Variants in SLC39A11 observed in about 807,000 individuals in gnomAD.
The protein encoded by SLC39A11 is zinc transporter ZIP11.
A neutral mutation model predicts 36.1 loss-of-function variants in SLC39A11; 33 were observed. The observed-to-expected ratio is 0.91, with a 90% CI of 0.69 to 1.22. The LOEUF (loss-of-function observed/expected upper bound fraction) is 1.22. Among genes scored for constraint, SLC39A11 ranks in the 50% most tolerant of loss-of-function variants. SLC39A11 has a pLI of 0.00. For missense variants in SLC39A11, 432 were observed against 430.3 expected (o/e 1.00, Z -0.03); for synonymous variants, 166 against 170.3 (o/e 0.97, Z 0.20).
Position 72,849,633 on chromosome 17 carries a change from C to A in SLC39A11, c.601+1G>T, listed in dbSNP as rs1294689240. 3 of 1,509,776 alleles carry A rather than the reference C, an allele frequency of 2.0e-6. No homozygotes were observed. The highest frequency in any genetic ancestry group is 2.7e-6 in the Non-Finnish European group (3 of 1,126,918). 93.5% of individuals were successfully genotyped at this position (1,509,776 alleles called of 1,614,324 possible). ...TGTCACGCTCACGGGCAAGACCTCACCTGGAACGTTGTGTATAGTGATGGC... is the reference window on the plus strand; with the variant it reads ...TGTCACGCTCACGGGCAAGACCTCAACTGGAACGTTGTGTATAGTGATGGC... On this transcript the variant is annotated splice_donor_variant, in intron 6 of 9. Transcript: ENST00000255559. LOFTEE classifies it high-confidence loss of function.
intron 6 of SLC39A11, among the ~76,000 whole-genome samples, chr17:72,809,199 T>TCTCTCTCTCTC (rs2077356291): frequency 4.9e-5 from 5 of 102,202 alleles, no homozygotes; most frequent in Admixed American, 2.9e-4. Flanking sequence ...TTTCTTTTCT[T>TCTCTCTCTCTC]TCTCTCTCTC....
intron 5 of SLC39A11, among the ~76,000 whole-genome samples, chr17:72,863,250 T>A (rs754652210): frequency 6.6e-6 from 1 of 152,178 alleles, no homozygotes; most frequent in African/African-American, 2.4e-5. Context: ...ACGAAGCAAA[T>A]TACCTTTTGC....
intron 6 of SLC39A11, among the ~76,000 whole-genome samples, chr17:72,807,568 G>A (rs1295111195): frequency 1.3e-5 from 2 of 152,130 alleles, no homozygotes; most frequent in African/African-American, 4.8e-5. Flanking sequence ...CCTCCTAGAG[G>A]GGATTCGAAG....
At chr17:72,804,121 G>A (rs566006975) in intron 6 of SLC39A11, among the ~76,000 whole-genome samples, 1 of 152,100 alleles carries the variant, frequency 6.6e-6, no homozygotes, top group Admixed American at 6.5e-5. Flanking sequence ...TCAGCCTCCC[G>A]AGTAGCTGGG....
chr17:72,978,627 G>T (rs998852986), intron 4 of SLC39A11, among the ~76,000 whole-genome samples: 4 of 152,190 alleles, frequency 2.6e-5, no homozygotes, highest in African/African-American at 9.6e-5. Flanking sequence ...TTCTAAGAAG[G>T]GGGTGGGGAG....
intron 7 of SLC39A11, among the ~76,000 whole-genome samples, chr17:72,657,376 CAAACA>C (rs2143960018): frequency 6.6e-6 from 1 of 152,110 alleles, no homozygotes; most frequent in African/African-American, 2.4e-5. Flanking sequence ...AACAAACAAA[CAAACA>C]AAAGATAAAT....
intron 7 of SLC39A11, among the ~76,000 whole-genome samples, chr17:72,664,735 C>CT (rs2070651326): frequency 6.6e-6 from 1 of 152,244 alleles, no homozygotes; most frequent in Non-Finnish European, 1.5e-5. Flanking sequence ...CCCACATCCC[C>CT]TGCTGGCCTG....
chr17:72,868,391 A>G (rs1445666118), intron 5 of SLC39A11, among the ~76,000 whole-genome samples: 1 of 152,174 alleles, frequency 6.6e-6, no homozygotes, highest in East Asian at 1.9e-4. Flanking sequence ...AATGTAACAT[A>G]AGAAATAAGT....
At chr17:72,849,914 G>T in intron 5 of SLC39A11, 110 bp from the exon 6 acceptor site, 1 of 1,128,544 alleles carries the variant, frequency 8.9e-7, no homozygotes, top group Non-Finnish European at 1.2e-6. Context: ...TCTTTTTTGA[G>T]ACAGGGTCTT....
chr17:72,955,861 G>C (rs182448106), intron 4 of SLC39A11, among the ~76,000 whole-genome samples: 1 of 152,088 alleles, frequency 6.6e-6, no homozygotes, highest in Admixed American at 6.5e-5. Context: ...GGAAGAAAAG[G>C]CTTAAAAGAA....
chr17:72,991,536 T>C (rs903991633), intron 4 of SLC39A11, among the ~76,000 whole-genome samples: 7 of 152,086 alleles, frequency 4.6e-5, no homozygotes, highest in African/African-American at 1.7e-4. Context: ...TTTTGTATTT[T>C]TATTAGAGAT....
intron 3 of SLC39A11, among the ~76,000 whole-genome samples, chr17:73,055,789 A>C (rs1241527442): frequency 2.0e-5 from 3 of 152,096 alleles, no homozygotes; most frequent in East Asian, 3.9e-4. Context: ...GCTGAGCGTC[A>C]GTCAATCATA....
intron 7 of SLC39A11, among the ~76,000 whole-genome samples, chr17:72,693,327 CG>C (rs2072121842): frequency 6.6e-6 from 1 of 151,704 alleles, no homozygotes; most frequent in Non-Finnish European, 1.5e-5. Flanking sequence ...AGCAAGCTCA[CG>C]GTCTGGGAAA....
intron 4 of SLC39A11, among the ~76,000 whole-genome samples, chr17:73,005,262 G>GC (rs2090116712): frequency 6.6e-6 from 1 of 152,172 alleles, no homozygotes; most frequent in Admixed American, 6.5e-5. Context: ...ACAGGCGTGA[G>GC]CCACCGTGCC....
At chr17:72,894,592 C>T (rs1040918179) in intron 5 of SLC39A11, among the ~76,000 whole-genome samples, 2 of 145,964 alleles carry the variant, frequency 1.4e-5, no homozygotes, top group Admixed American at 1.4e-4. Flanking sequence ...ATCAATTGAA[C>T]ACAAGAGGTA....
chr17:72,983,856 G>C (rs1161875482), intron 4 of SLC39A11, among the ~76,000 whole-genome samples: 1 of 152,190 alleles, frequency 6.6e-6, no homozygotes, highest in Non-Finnish European at 1.5e-5. Flanking sequence ...CTAAGGAAAA[G>C]GGAACCCTGG....
At chr17:72,687,582 C>T (rs781165804) in intron 7 of SLC39A11, among the ~76,000 whole-genome samples, 1 of 152,166 alleles carries the variant, frequency 6.6e-6, no homozygotes, top group Non-Finnish European at 1.5e-5. Context: ...CAAAGCTTTG[C>T]TCCTCACACC....
intron 6 of SLC39A11, among the ~76,000 whole-genome samples, chr17:72,784,479 T>C (rs1476658217): frequency 1.3e-5 from 2 of 152,186 alleles, no homozygotes; most frequent in African/African-American, 4.8e-5. Flanking sequence ...GAGCATTTTC[T>C]AGGGCCTCAA....
At chr17:72,895,914 T>C (rs560931078) in intron 5 of SLC39A11, among the ~76,000 whole-genome samples, 11 of 152,244 alleles carry the variant, frequency 7.2e-5, no homozygotes, top group Non-Finnish European at 1.6e-4. Context: ...CATACACAAA[T>C]GGCCAATTTT....
Sources: allele counts gnomAD v4.1 joint callset (sites outside exome capture counted in the v4.1 genomes callset), GRCh38; gene constraint gnomAD v4.1.1; transcripts MANE v1.5; gene names NCBI Gene and HGNC (gene_info 2026-07-23, HGNC 2026-07-21).